Variants in SLC39A10 observed in about 807,000 individuals in gnomAD.
SLC39A10 encodes zinc transporter ZIP10.
In SLC39A10, 13 loss-of-function variants were observed where a neutral mutation model predicts 65.1. The observed-to-expected ratio is 0.20, with a 90% CI of 0.13 to 0.32. SLC39A10 has a LOEUF of 0.32. Among genes scored for constraint, SLC39A10 ranks in the 10% least tolerant of loss-of-function variants. SLC39A10 has a pLI of 1.00. For synonymous variants in SLC39A10, 321 were observed against 342.2 expected (o/e 0.94, Z 0.68); for missense variants, 831 against 1,018.4 (o/e 0.82, Z 2.50).
At chr2:195,689,044 A>T (rs1690628110) in intron 3 of SLC39A10, among the ~76,000 whole-genome samples, 1 of 152,196 alleles carries the variant, frequency 6.6e-6, no homozygotes, top group Non-Finnish European at 1.5e-5. Flanking sequence ...CACAGGAGTC[A>T]TAAATAAATC....
Position 195,736,737 on chromosome 2 carries a change from A to G in SLC39A10, c.*1696A>G, listed in dbSNP as rs1337437756. On this transcript the variant is annotated 3_prime_UTR_variant, in exon 10 of 10. Coordinates refer to ENST00000359634, the MANE Select transcript of SLC39A10 (RefSeq NM_020342.3). ...TGACTTACTCCATGGCCTCCTTATA[A>G]TAAGTAGAAGTTTTATATATAATTA... The G allele has an allele frequency of 1.3e-5, 2 of 152,500 alleles. No homozygotes were observed. The highest frequency in any genetic ancestry group is 2.9e-5 in the Non-Finnish European group (2 of 68,028). The allele number at this position is 152,500 out of a possible 1,614,324, so 9.4% of individuals were successfully genotyped here. A position where few individuals can be genotyped will look rare whatever the true frequency, so the allele number is the denominator to read the frequency against.
intron 2 of SLC39A10, among the ~76,000 whole-genome samples, chr2:195,631,177 C>T (rs991172830): frequency 6.6e-5 from 10 of 151,730 alleles, no homozygotes; most frequent in African/African-American, 2.2e-4. Context: ...CAGAGTGAGA[C>T]TCTGTCTTAA....
chr2:195,633,526 C>T (rs1688636286), intron 2 of SLC39A10, among the ~76,000 whole-genome samples: 1 of 152,196 alleles, frequency 6.6e-6, no homozygotes, highest in Admixed American at 6.5e-5. Flanking sequence ...CCAGTGAGGG[C>T]AGAGGGTCTA....
At chr2:195,724,656 A>C (rs75051995) in intron 8 of SLC39A10, among the ~76,000 whole-genome samples, 6 of 152,182 alleles carry the variant, frequency 3.9e-5, no homozygotes, top group Admixed American at 2.0e-4. Context: ...AATCATCAGT[A>C]AAAGAAACCA....
chr2:195,694,851 A>G (rs1234374933), intron 3 of SLC39A10, among the ~76,000 whole-genome samples: 1 of 152,180 alleles, frequency 6.6e-6, no homozygotes, highest in Non-Finnish European at 1.5e-5. Flanking sequence ...CTTTTCCTCA[A>G]TTCAACCAAA....
chr2:195,713,988 G>A (rs867600995), intron 6 of SLC39A10, among the ~76,000 whole-genome samples: 1 of 151,624 alleles, frequency 6.6e-6, no homozygotes, highest in East Asian at 1.9e-4. Flanking sequence ...GTGCAGTAGC[G>A]CCATCTCGGC....
intron 2 of SLC39A10, among the ~76,000 whole-genome samples, chr2:195,636,595 CA>C (rs769697739): frequency 4.0e-5 from 6 of 151,440 alleles, no homozygotes; most frequent in African/African-American, 1.5e-4. Flanking sequence ...ACTAAAAAAA[CA>C]AAAAAAATTA....
chr2:195,715,701 A>G (rs1691782277), intron 6 of SLC39A10, among the ~76,000 whole-genome samples: 1 of 152,196 alleles, frequency 6.6e-6, no homozygotes, highest in Non-Finnish European at 1.5e-5. Context: ...ATATCCATTT[A>G]TGAAATAGAA....
chr2:195,613,294 AT>A (rs1246221392), intron 2 of SLC39A10, among the ~76,000 whole-genome samples: 10 of 151,724 alleles, frequency 6.6e-5, no homozygotes, highest in African/African-American at 4.8e-5. Flanking sequence ...CAAAAGGAGA[AT>A]TTTTTTTCCT....
upstream of SLC39A10, among the ~76,000 whole-genome samples, chr2:195,653,349 A>G (rs1011374346): frequency 2.7e-5 from 4 of 150,820 alleles, no homozygotes; most frequent in Admixed American, 2.6e-4. Flanking sequence ...GCTGGAGTGC[A>G]ATGGCACAAT....
intron 1 of SLC39A10, chr2:195,658,220 C>T (rs1306494269): frequency 6.6e-6 from 1 of 152,478 alleles, no homozygotes; most frequent in East Asian, 1.9e-4. Context: ...GCGCGAGCAA[C>T]ATGACGTTCA....
Position 195,716,655 on chromosome 2 carries a change from T to C in SLC39A10, c.1715T>C (p.Val572Ala). 1 of 1,607,196 alleles carries C rather than the reference T, an allele frequency of 6.2e-7. No individual in the cohort carries two copies. The highest frequency in any genetic ancestry group is 1.3e-5 in the African/African-American group (1 of 74,792). ...KPLAGTDDSV[V>A]SEDRLNETEL... ...AATACAGGAACTGATGACTCGGTTG[T>C]TTCTGAAGATCGACTTAATGAAACT... Residue 572 changes from valine to alanine, a missense_variant, in exon 7 of 10, where the codon GTT becomes GCT. Transcript: ENST00000359634.
At chr2:195,715,643 CTGTGACACTAA>C (rs1205503124) in intron 6 of SLC39A10, among the ~76,000 whole-genome samples, 1 of 151,678 alleles carries the variant, frequency 6.6e-6, no homozygotes, top group Non-Finnish European at 1.5e-5. Flanking sequence ...TGTATGCTTT[CTGTGACACTAA>C]TGTGACACTT....
chr2:195,620,074 C>G (rs573682974), intron 2 of SLC39A10, among the ~76,000 whole-genome samples: 1 of 152,286 alleles, frequency 6.6e-6, no homozygotes, highest in South Asian at 2.1e-4. Flanking sequence ...CGGTGCCCAC[C>G]ACCACACCCA....
intron 8 of SLC39A10, among the ~76,000 whole-genome samples, chr2:195,724,147 T>C (rs933852593): frequency 7.2e-5 from 11 of 152,194 alleles, no homozygotes; most frequent in African/African-American, 2.4e-4. Context: ...CCTTAAAATA[T>C]ATACATGTTT....
At chr2:195,663,316 C>T (rs936519074) in intron 1 of SLC39A10, among the ~76,000 whole-genome samples, 3 of 152,144 alleles carry the variant, frequency 2.0e-5, no homozygotes, top group Non-Finnish European at 2.9e-5. Flanking sequence ...TGCACTTCTA[C>T]TGAAGATGAC....
chr2:195,635,267 T>C (rs1688675119), intron 2 of SLC39A10, among the ~76,000 whole-genome samples: 1 of 152,304 alleles, frequency 6.6e-6, no homozygotes, highest in Non-Finnish European at 1.5e-5. Context: ...AGAAGAACCT[T>C]TCCTGGAGGC....
chr2:195,619,620 CA>C (rs1281147553), intron 2 of SLC39A10, among the ~76,000 whole-genome samples: 2 of 152,008 alleles, frequency 1.3e-5, no homozygotes, highest in Non-Finnish European at 2.9e-5. Flanking sequence ...ATTGCAAATG[CA>C]GAAGCTATAG....
intron 1 of SLC39A10, chr2:195,670,378 A>G (rs1390746433): frequency 3.9e-5 from 6 of 152,182 alleles, no homozygotes; most frequent in South Asian, 2.1e-4. Context: ...ATTCAACAAT[A>G]TAGACCATTT....
Sources: gnomAD v4.1 joint callset for allele counts (sites outside exome capture counted in the v4.1 genomes callset) on GRCh38, gnomAD v4.1.1 for gene constraint, MANE v1.5 for transcripts, NCBI Gene and HGNC (gene_info 2026-07-23, HGNC 2026-07-21) for gene names.